ADARB1: variants seen among roughly 807,000 people sequenced by gnomAD.
ADARB1 encodes the protein adenosine deaminase RNA specific B1.
Under a neutral mutation model 52.4 loss-of-function variants are expected in ADARB1, and 10 were observed. The observed-to-expected ratio is 0.19, with a 90% CI of 0.12 to 0.32. The LOEUF (loss-of-function observed/expected upper bound fraction) is 0.32. ADARB1 is among the 10% of genes least tolerant of loss of function. ADARB1 has a pLI of 1.00. For synonymous variants in ADARB1, 349 were observed against 371.1 expected (o/e 0.94, Z 0.68); for missense variants, 643 against 922.3 (o/e 0.70, Z 3.92).
At chr21:45,118,031 A>T (rs2087927520) in intron 1 of ADARB1, among the ~76,000 whole-genome samples, 1 of 152,262 alleles carries the variant, frequency 6.6e-6, no homozygotes, top group Non-Finnish European at 1.5e-5. Flanking sequence ...ATCTATCATT[A>T]GGCTCCCTGT....
intron 1 of ADARB1, among the ~76,000 whole-genome samples, chr21:45,105,974 C>G (rs1404032188): frequency 1.3e-5 from 2 of 152,186 alleles, no homozygotes; most frequent in Non-Finnish European, 2.9e-5. Context: ...TGTCTTTGTT[C>G]TGTAAAACAA....
intron 1 of ADARB1, among the ~76,000 whole-genome samples, chr21:45,098,608 TG>T (rs2086869209): frequency 6.6e-6 from 1 of 152,206 alleles, no homozygotes; most frequent in Non-Finnish European, 1.5e-5. Flanking sequence ...GCTGCAGTGC[TG>T]GGCCTCAGTT....
chr21:45,100,973 T>C (rs888579300), intron 1 of ADARB1: 3 of 152,644 alleles, frequency 2.0e-5, no homozygotes, highest in African/African-American at 4.8e-5. Context: ...GGTCTCGGGC[T>C]CTGAGCGGCT....
At position 45,107,063 on chromosome 21, in the gene ADARB1, C is replaced by T. The variant is rs181866296; in HGVS notation, c.-219-21339C>T. Among the ~76,000 whole-genome samples, 54 of 152,216 alleles carry T rather than the reference C, an allele frequency of 3.5e-4. No homozygotes were observed. In the East Asian group the frequency reaches 5.8e-3, roughly 16 times the overall value. ...TAGAAATACAAAATTAATATGCAAA[C>T]GTCAATGTTATTCATATATACAAAA... On this transcript the variant is annotated intron_variant, in intron 1 of 10. Coordinates refer to ENST00000348831, the MANE Select transcript of ADARB1 (RefSeq NM_001112.4).
chr21:45,105,563 C>T (rs1433206712), intron 1 of ADARB1, among the ~76,000 whole-genome samples: 2 of 152,178 alleles, frequency 1.3e-5, no homozygotes, highest in African/African-American at 4.8e-5. Context: ...TCACAGTTAA[C>T]TGAATATATT....
intron 2 of ADARB1, among the ~76,000 whole-genome samples, chr21:45,162,787 A>G (rs2146046613): frequency 6.6e-6 from 1 of 152,276 alleles, no homozygotes; most frequent in African/African-American, 2.4e-5. Context: ...AAGATGGGAG[A>G]GACTCTCAGC....
intron 1 of ADARB1, among the ~76,000 whole-genome samples, chr21:45,125,872 G>A (rs1601463817): frequency 1.3e-5 from 2 of 152,214 alleles, no homozygotes; most frequent in East Asian, 3.9e-4. Flanking sequence ...TTTTCTTTGA[G>A]CTTACTTTGT....
At chr21:45,130,729 C>A (rs545751362) in intron 2 of ADARB1, among the ~76,000 whole-genome samples, 1 of 152,158 alleles carries the variant, frequency 6.6e-6, no homozygotes, top group Non-Finnish European at 1.5e-5. Context: ...AGCCACAGGT[C>A]GCACTGCAGG....
At chr21:45,144,404 A>G (rs192354547) in intron 2 of ADARB1, among the ~76,000 whole-genome samples, 2 of 152,370 alleles carry the variant, frequency 1.3e-5, no homozygotes, top group East Asian at 3.9e-4. Context: ...CCTAGAATTA[A>G]ACAGTTATTA....
rs576256616 is a variant in ADARB1 at position 45,221,870 on chromosome 21, G to A, written c.1927-148G>A. ...GCCGCACCTTGTTCTGTGTGAAGCC[G>A]TTCCCTTGGCAGAAGGCGCCTTCCT... is the stretch of plus-strand genomic sequence containing the variant. On this transcript the variant is annotated intron_variant, in intron 10 of 10. Coordinates refer to ENST00000348831, the MANE Select transcript of ADARB1 (RefSeq NM_001112.4). This position sits in a 1 kb window ranked among gnomAD's most constrained non-coding sequence, Gnocchi z 4.9. 1.4e-4 allele frequency: 107 copies of A among 792,072 alleles called. 1 individual carries two copies. In the Middle Eastern group the frequency reaches 2.9e-3, roughly 22 times the overall value. 49.1% of individuals were successfully genotyped at this position (792,072 alleles called of 1,614,324 possible). A position where few individuals can be genotyped will look rare whatever the true frequency, so the allele number is the denominator to read the frequency against.
intron 8 of ADARB1, among the ~76,000 whole-genome samples, chr21:45,190,059 T>TCTG (rs1437783345): frequency 6.6e-6 from 1 of 152,170 alleles, no homozygotes; most frequent in African/African-American, 2.4e-5. Context: ...CTCTTCTCCT[T>TCTG]CTGGTATTCC....
intron 2 of ADARB1, among the ~76,000 whole-genome samples, chr21:45,152,316 C>T: frequency 7.5e-6 from 1 of 133,978 alleles, no homozygotes; most frequent in East Asian, 2.6e-4. Flanking sequence ...CTGTCGTTCT[C>T]TCCCCTCTGC....
chr21:45,136,924 T>G (rs1484457100), intron 2 of ADARB1, among the ~76,000 whole-genome samples: 1 of 152,264 alleles, frequency 6.6e-6, no homozygotes, highest in African/African-American at 2.4e-5. Context: ...AAGAAGTGGT[T>G]GGATTCCCAG....
chr21:45,105,881 T>G (rs904092171), intron 1 of ADARB1, among the ~76,000 whole-genome samples: 1 of 152,216 alleles, frequency 6.6e-6, no homozygotes, highest in Non-Finnish European at 1.5e-5. Context: ...GAGTGAGTTC[T>G]TTTTTTATAG....
chr21:45,176,508 G>C lies in ADARB1; in HGVS notation c.807G>C (p.Val269=). ...HAKSFVMSVV[V]DGQFFEGSGR... The stretch of plus-strand genomic sequence containing the variant: ...AGAGCTTCGTCATGTCTGTGGTCGT[G>C]GATGGTCAGTTCTTTGAAGGCTCGG... Residue 269 remains valine, a synonymous_variant, in exon 4 of 11, where the codon GTG becomes GTC. Transcript: ENST00000348831. The surrounding 1 kb of genome is among the most constrained non-coding windows in gnomAD (Gnocchi z 5.8). The C allele has an allele frequency of 2.5e-6, 4 of 1,614,180 alleles. No homozygotes were observed. The highest frequency in any genetic ancestry group is 3.4e-6 in the Non-Finnish European group (4 of 1,180,032).
intron 1 of ADARB1, among the ~76,000 whole-genome samples, chr21:45,116,099 A>T (rs780458859): frequency 2.0e-5 from 3 of 152,128 alleles, no homozygotes; most frequent in Non-Finnish European, 4.4e-5. Context: ...GCTTTCGGGG[A>T]TGCTGATTAA....
chr21:45,164,540 G>A, intron 2 of ADARB1, among the ~76,000 whole-genome samples: 1 of 151,764 alleles, frequency 6.6e-6, no homozygotes, highest in East Asian at 2.0e-4. Context: ...GAGGGAGCGG[G>A]GCGGTGGGGT....
intron 1 of ADARB1, among the ~76,000 whole-genome samples, chr21:45,117,837 T>A (rs918497992): frequency 1.3e-5 from 2 of 152,188 alleles, no homozygotes; most frequent in African/African-American, 4.8e-5. Context: ...CCCCACCCCA[T>A]GCCCCGTTTC....
rs373037 is a variant in ADARB1, at chr21:45,172,001, C to T, written c.28+317C>T. Among the ~76,000 whole-genome samples the T allele has an allele frequency of 0.52, 78,546 of 151,968 alleles. 20,607 individuals carry two copies. The highest frequency in any genetic ancestry group is 0.57 in the South Asian group (2,764 of 4,814). ...CGGCATGCCTCTCAGAATAATGCTC[C>T]GAGTATTCACACATACAAATCGAAG... On this transcript the variant is annotated intron_variant, in intron 3 of 10. Coordinates refer to ENST00000348831, the MANE Select transcript of ADARB1 (RefSeq NM_001112.4). This position sits in a 1 kb window ranked among gnomAD's most constrained non-coding sequence, Gnocchi z 4.4.
Sources: allele counts gnomAD v4.1 joint callset (sites outside exome capture counted in the v4.1 genomes callset), GRCh38; gene constraint gnomAD v4.1.1; non-coding constraint Gnocchi (gnomAD v3.1); transcripts MANE v1.5; gene names NCBI Gene and HGNC (gene_info 2026-07-23, HGNC 2026-07-21).